CNOT7: variants seen among roughly 807,000 people sequenced by gnomAD.
CNOT7 encodes CCR4-NOT transcription complex subunit 7.
In CNOT7, 4 loss-of-function variants were observed where a neutral mutation model predicts 37.1. That is an observed-to-expected ratio of 0.11 (90% CI 0.05 to 0.25). The LOEUF is 0.25. Among genes scored for constraint, CNOT7 ranks in the 10% least tolerant of loss-of-function variants. The pLI, the probability that CNOT7 is intolerant of heterozygous loss-of-function variation, is 1.00. For synonymous variants in CNOT7, 128 were observed against 115.6 expected (o/e 1.11, Z -0.69); for missense variants, 170 against 336.2 (o/e 0.51, Z 3.87).
intron 5 of CNOT7, among the ~76,000 whole-genome samples, chr8:17,233,169 G>C (rs1374453272): frequency 6.6e-6 from 1 of 151,994 alleles, no homozygotes; most frequent in Non-Finnish European, 1.5e-5. Flanking sequence ...AGTAACAGAA[G>C]GAAAGAAAGT....
In CNOT7 at chr8:17,246,835, T is replaced by C. The variant is rs1029012617; in HGVS notation, c.-256A>G. The C allele has an allele frequency of 3.4e-6, 1 of 294,652 alleles. No individual in the cohort carries two copies. Among genetic ancestry groups the C allele is most frequent in the South Asian group, 2.8e-5 (1 of 35,900 alleles). 18.3% of individuals were successfully genotyped at this position (294,652 alleles called of 1,614,324 possible). On this transcript the variant is annotated 5_prime_UTR_variant, in exon 1 of 7. Coordinates refer to ENST00000361272, the MANE Select transcript of CNOT7 (RefSeq NM_013354.7). The stretch of plus-strand genomic sequence containing the variant: ...GGCGAGCAGGAGCTGCGCCGCACCG[T>C]GCTGCGCCGTCGCTTTTCGCACGTC...
At position 17,226,134 on chromosome 8, in the gene CNOT7, CTT is replaced by C. The variant is rs759442125; in HGVS notation, c.*4584_*4585del. 7.6e-6 allele frequency: 1 copy of C among 132,124 alleles called. No individual in the cohort carries two copies. Among genetic ancestry groups the C allele is most frequent in the African/African-American group, 2.8e-5 (1 of 35,524 alleles). 8.2% of individuals were successfully genotyped at this position (132,124 alleles called of 1,614,324 possible). On this transcript the variant is annotated 3_prime_UTR_variant, in exon 7 of 7. Transcript: ENST00000361272. ...GACATTATTTAGGTACTCAAGGAAA[CTT>C]TTCACCAAATTTTTATTCTAAAAAT...
chr8:17,231,699 C>A, intron 6 of CNOT7: 2 of 985,312 alleles, frequency 2.0e-6, no homozygotes, highest in South Asian at 9.4e-5. Flanking sequence ...TCCTGTTTAC[C>A]TATAGCTAGG....
rs1301595660 is a variant in CNOT7, at chr8:17,228,010, T to TATA, written c.*2707_*2709dup. On this transcript the variant is annotated 3_prime_UTR_variant, in exon 7 of 7. Coordinates refer to ENST00000361272, the MANE Select transcript of CNOT7 (RefSeq NM_013354.7). ...TGTAGCAGCTACTCAACTTTCCCAT[T>TATA]ATAGCAAAAAAGTATCCATAGATAA... The TATA allele has an allele frequency of 6.6e-6, 1 of 151,922 alleles. No individual in the cohort carries two copies. Among genetic ancestry groups the TATA allele is most frequent in the African/African-American group, 2.4e-5 (1 of 41,410 alleles). The allele number at this position is 151,922 out of a possible 1,614,324, so 9.4% of individuals were successfully genotyped here. A position where few individuals can be genotyped will look rare whatever the true frequency, so the allele number is the denominator to read the frequency against.
rs1438445042 is a variant in CNOT7 at position 17,230,531 on chromosome 8, T to G, written c.*189A>C. On this transcript the variant is annotated 3_prime_UTR_variant, in exon 7 of 7. Transcript: ENST00000361272. ...TAAGGCCAAATTTAACCTGAATGCG[T>G]TTTTTTTTTTCTTTTTATTAAGATC... 2 of 262,382 alleles carry G rather than the reference T, an allele frequency of 7.6e-6. No individual in the cohort carries two copies. Among genetic ancestry groups the G allele is most frequent in the East Asian group, 6.5e-5 (1 of 15,480 alleles). The allele number at this position is 262,382 out of a possible 1,614,324, so 16.3% of individuals were successfully genotyped here. A position where few individuals can be genotyped will look rare whatever the true frequency, so the allele number is the denominator to read the frequency against.
intron 3 of CNOT7, chr8:17,242,769 A>G (rs1420372158): frequency 5.6e-6 from 2 of 358,644 alleles, no homozygotes; most frequent in African/African-American, 4.2e-5. Context: ...AAATACAAAA[A>G]AAGCTGCAGT....
intron 5 of CNOT7, among the ~76,000 whole-genome samples, chr8:17,234,397 C>T (rs114754839): frequency 0.014 from 2,091 of 152,210 alleles, 40 homozygotes; most frequent in African/African-American, 0.047. Flanking sequence ...CTCACAATGG[C>T]GTGCATATGA....
chr8:17,246,471 T>C (rs1811111969), intron 1 of CNOT7: 1 of 153,000 alleles, frequency 6.5e-6, no homozygotes, highest in Non-Finnish European at 1.5e-5. Context: ...GTACAAAGCC[T>C]TTGCGTCATC....
intron 4 of CNOT7, among the ~76,000 whole-genome samples, chr8:17,236,246 T>G (rs1216983631): frequency 6.6e-6 from 1 of 152,174 alleles, no homozygotes; most frequent in African/African-American, 2.4e-5. Flanking sequence ...AAACTAAACA[T>G]GCAGGAGACT....
intron 3 of CNOT7, chr8:17,242,425 A>G (rs1183369142): frequency 6.6e-6 from 1 of 152,228 alleles, no homozygotes; most frequent in Non-Finnish European, 1.5e-5. Flanking sequence ...CCAGGGCTTG[A>G]GTTAGAATGA....
intron 2 of CNOT7, 180 bp downstream of exon 2, chr8:17,244,856 C>G (rs1810678998): frequency 5.3e-6 from 3 of 564,770 alleles, no homozygotes; most frequent in South Asian, 4.4e-5. Flanking sequence ...GGGATAAACC[C>G]AACCTGTCAA....
At chr8:17,234,483 A>C in intron 5 of CNOT7, 2 of 476,592 alleles carry the variant, frequency 4.2e-6, no homozygotes, top group Non-Finnish European at 7.6e-6. Flanking sequence ...ACCGGACCTA[A>C]GCCTGAAATG....
chr8:17,227,945 C>G lies in CNOT7; in HGVS notation c.*2775G>C, dbSNP rs1808266283. ...TGCATCACCATGATTCTGTAGCTTG[C>G]CAAGCGGCAATGTGAAACAAGACAC... On this transcript the variant is annotated 3_prime_UTR_variant, in exon 7 of 7. Transcript: ENST00000361272. 6.6e-6 allele frequency: 1 copy of G among 151,900 alleles called. No homozygotes were observed. Among genetic ancestry groups the G allele is most frequent in the Non-Finnish European group, 1.5e-5 (1 of 67,832 alleles). 9.4% of individuals were successfully genotyped at this position (151,900 alleles called of 1,614,324 possible). A position where few individuals can be genotyped will look rare whatever the true frequency, so the allele number is the denominator to read the frequency against.
intron 4 of CNOT7, 77 bp downstream of exon 4, chr8:17,237,135 T>A: frequency 1.4e-6 from 2 of 1,422,222 alleles, no homozygotes; most frequent in Non-Finnish European, 2.0e-6. Flanking sequence ...CTGAAATTGC[T>A]AACATAGTGA....
chr8:17,245,954 A>G (rs1810952450), intron 1 of CNOT7: 1 of 109,316 alleles, frequency 9.1e-6, no homozygotes, highest in African/African-American at 2.8e-5. Flanking sequence ...TACAAATTGG[A>G]AAAAAAAAAA....
At chr8:17,241,673 C>G (rs1451030936) in intron 3 of CNOT7, 2 of 152,210 alleles carry the variant, frequency 1.3e-5, no homozygotes, top group East Asian at 3.9e-4. Flanking sequence ...TTGCAACATA[C>G]AGTTAAGTAC....
rs1808326155 is a variant in CNOT7 at position 17,228,811 on chromosome 8, CAG to C, written c.*1907_*1908del. 1 of 151,886 alleles carries C rather than the reference CAG, an allele frequency of 6.6e-6. No individual in the cohort carries two copies. Among genetic ancestry groups the C allele is most frequent in the Non-Finnish European group, 1.5e-5 (1 of 67,848 alleles). 9.4% of individuals were successfully genotyped at this position (151,886 alleles called of 1,614,324 possible). A position where few individuals can be genotyped will look rare whatever the true frequency, so the allele number is the denominator to read the frequency against. Reference sequence around the variant, plus strand: ...AGCATTGATTTCTCAAATAGTTGAACAGAATTTAAATATTAGTTTTCTCAGCT... The same window carrying C: ...AGCATTGATTTCTCAAATAGTTGAACAATTTAAATATTAGTTTTCTCAGCT... On this transcript the variant is annotated 3_prime_UTR_variant, in exon 7 of 7. Coordinates refer to ENST00000361272, the MANE Select transcript of CNOT7 (RefSeq NM_013354.7).
intron 5 of CNOT7, among the ~76,000 whole-genome samples, chr8:17,233,037 T>C (rs927535723): frequency 6.6e-6 from 1 of 152,214 alleles, no homozygotes; most frequent in Non-Finnish European, 1.5e-5. Context: ...TTTTCTTAGT[T>C]AAGACGAGTA....
intron 3 of CNOT7, among the ~76,000 whole-genome samples, chr8:17,240,849 C>A (rs999642865): frequency 1.3e-5 from 2 of 152,266 alleles, no homozygotes; most frequent in South Asian, 2.1e-4. Context: ...ACTTTGCACC[C>A]TTTATAAATG....
Sources: gnomAD v4.1 joint callset for allele counts (sites outside exome capture counted in the v4.1 genomes callset) on GRCh38, gnomAD v4.1.1 for gene constraint, MANE v1.5 for transcripts, NCBI Gene and HGNC (gene_info 2026-07-23, HGNC 2026-07-21) for gene names.